Variants in CHIC2 observed in about 807,000 individuals in gnomAD.
The protein encoded by CHIC2 is cysteine rich hydrophobic domain 2.
Under a neutral mutation model 25.9 loss-of-function variants are expected in CHIC2, and 14 were observed. The ratio of observed to expected loss-of-function variants is 0.54; its 90% confidence interval spans 0.36 to 0.85. The LOEUF (loss-of-function observed/expected upper bound fraction) is 0.85, where lower values mean the gene tolerates loss of function less well. Among genes scored for constraint, CHIC2 ranks in the 40% least tolerant of loss-of-function variants. The pLI, the probability that CHIC2 is intolerant of heterozygous loss-of-function variation, is 0.01. For missense variants in CHIC2, 146 were observed against 202.0 expected (o/e 0.72, Z 1.68); for synonymous variants, 70 against 72.0 (o/e 0.97, Z 0.14).
intron 3 of CHIC2, among the ~76,000 whole-genome samples, chr4:54,043,141 G>T (rs1181465559): frequency 2.6e-5 from 4 of 152,128 alleles, no homozygotes; most frequent in African/African-American, 9.7e-5. Flanking sequence ...CCCTGTCTCG[G>T]CCAGGCGCGG....
intron 5 of CHIC2, among the ~76,000 whole-genome samples, chr4:54,013,139 G>C (rs1715640961): frequency 6.6e-6 from 1 of 151,990 alleles, no homozygotes; most frequent in Admixed American, 6.6e-5. Context: ...AAGCTCAAAA[G>C]AGAATTAAAA....
chr4:54,077,879 C>G, the CHIC2 span, among the ~76,000 whole-genome samples: 1 of 152,224 alleles, frequency 6.6e-6, no homozygotes, highest in Admixed American at 6.5e-5. Context: ...GAGCAGCTAT[C>G]ATTCACAATT....
chr4:54,013,932 C>T, intron 4 of CHIC2, 36 bp from the exon 5 acceptor site: 1 of 1,608,162 alleles, frequency 6.2e-7, no homozygotes, highest in Non-Finnish European at 8.5e-7. Flanking sequence ...GAAAAATGAG[C>T]TCTATTTTAT....
At chr4:54,014,956 A>G (rs1362621277) in intron 3 of CHIC2, among the ~76,000 whole-genome samples, 1 of 152,150 alleles carries the variant, frequency 6.6e-6, no homozygotes, top group Admixed American at 6.6e-5. Flanking sequence ...AAAGAAAAAA[A>G]CATCTTACCA....
chr4:54,046,912 C>G (rs1577980638), intron 3 of CHIC2, among the ~76,000 whole-genome samples: 1 of 152,116 alleles, frequency 6.6e-6, no homozygotes, highest in African/African-American at 2.4e-5. Flanking sequence ...TGACAAAGGG[C>G]TAATATCCAG....
chr4:54,030,754 G>A (rs1577970319), intron 3 of CHIC2, among the ~76,000 whole-genome samples: 1 of 146,140 alleles, frequency 6.8e-6, no homozygotes, highest in South Asian at 2.1e-4. Context: ...TGTAACCTCT[G>A]CCTACCAGGT....
chr4:54,044,929 AG>A (rs1161836922), intron 3 of CHIC2, among the ~76,000 whole-genome samples: 233 of 152,304 alleles, frequency 1.5e-3, no homozygotes, highest in African/African-American at 5.4e-3. Flanking sequence ...AAAAGAGAGA[AG>A]AATCAAATAG....
the CHIC2 span, among the ~76,000 whole-genome samples, chr4:54,079,449 G>A: frequency 1.3e-5 from 2 of 151,896 alleles, no homozygotes; most frequent in East Asian, 3.9e-4. Context: ...CTTCTGCACA[G>A]CAAAGAAAAC....
the CHIC2 span, chr4:54,087,647 C>A: frequency 3.5e-6 from 2 of 574,134 alleles, no homozygotes; most frequent in African/African-American, 1.9e-5. Context: ...GCCTATATAT[C>A]CCTTGATGAG....
Position 54,049,079 on chromosome 4 carries a change from T to C in CHIC2, c.206A>G (p.Asn69Ser), listed in dbSNP as rs374480856. 26 of 1,608,694 alleles carry C rather than the reference T, an allele frequency of 1.6e-5. No homozygotes were observed. Among genetic ancestry groups the C allele is most frequent in the Non-Finnish European group, 1.7e-5 (20 of 1,178,400 alleles). The part of the protein sequence containing the change: ...VAPEEFKASI[N>S]RVNSCLKKNL... ...CTTCTTAAGACAACTGTTAACTCTG[T>C]TGATGCTGGCTTTAAATTCTTCAGG... The change falls in exon 3 of 6, where the codon AAC becomes AGC. Residue 69 changes from asparagine to serine, a missense_variant. Physicochemically the swap from Asn to Ser is conservative, Grantham distance 46. Transcript: ENST00000263921.
chr4:54,071,794 G>A, the CHIC2 span, among the ~76,000 whole-genome samples: 3 of 151,852 alleles, frequency 2.0e-5, no homozygotes, highest in Non-Finnish European at 4.4e-5. Flanking sequence ...CCAGCATGGT[G>A]AAACCCTGTC....
intron 5 of CHIC2, 43 bp downstream of exon 5, chr4:54,013,794 G>A: frequency 1.3e-6 from 2 of 1,570,144 alleles, no homozygotes; most frequent in Non-Finnish European, 1.7e-6. Context: ...CAAAATAAAT[G>A]ATCATTTAAT....
At chr4:54,012,843 G>A (rs1715634804) in intron 5 of CHIC2, among the ~76,000 whole-genome samples, 1 of 152,030 alleles carries the variant, frequency 6.6e-6, no homozygotes, top group Non-Finnish European at 1.5e-5. Context: ...TATGTTCAAG[G>A]CTAGAAATAG....
At position 54,044,807 on chromosome 4, in the gene CHIC2, C is replaced by A. The variant is rs576182507; in HGVS notation, c.330+4148G>T. On this transcript the variant is annotated intron_variant, in intron 3 of 5. Coordinates refer to ENST00000263921, the MANE Select transcript of CHIC2 (RefSeq NM_012110.4). ...AGAAATAACTAAGATCAGAGCAGAACTGAAGGAAATAGAGACACAAAAAAC... is the reference window on the plus strand; with the variant it reads ...AGAAATAACTAAGATCAGAGCAGAAATGAAGGAAATAGAGACACAAAAAAC... Among the ~76,000 whole-genome samples the A allele has an allele frequency of 4.6e-5, 7 of 152,098 alleles. No individual in the cohort carries two copies. In the South Asian group the frequency reaches 1.2e-3, roughly 27 times the overall value.
At chr4:54,070,887 T>C in the CHIC2 span, among the ~76,000 whole-genome samples, 1 of 152,192 alleles carries the variant, frequency 6.6e-6, no homozygotes, top group African/African-American at 2.4e-5. Context: ...GTGATTAGGT[T>C]AAGCTGACCA....
chr4:54,023,740 C>A (rs1182018594), intron 3 of CHIC2, among the ~76,000 whole-genome samples: 1 of 152,218 alleles, frequency 6.6e-6, no homozygotes, highest in South Asian at 2.1e-4. Flanking sequence ...TACCTCTCAG[C>A]AAGGCGAACT....
chr4:54,064,747 G>GCACGT, upstream of CHIC2: 1 of 694,418 alleles, frequency 1.4e-6, no homozygotes, highest in African/African-American at 1.9e-5. The surrounding 1 kb of genome is among the most constrained non-coding windows in gnomAD (Gnocchi z 4.2). Flanking sequence ...GCGCACGTGC[G>GCACGT]GCCTCGCGCG....
At chr4:54,041,607 C>T (rs768173701) in intron 3 of CHIC2, among the ~76,000 whole-genome samples, 2 of 152,008 alleles carry the variant, frequency 1.3e-5, no homozygotes, top group Non-Finnish European at 2.9e-5. Flanking sequence ...ATTTTGTATG[C>T]ATTAATAAAC....
intron 3 of CHIC2, among the ~76,000 whole-genome samples, chr4:54,022,961 T>C (rs974122600): frequency 7.9e-5 from 12 of 152,286 alleles, no homozygotes; most frequent in East Asian, 3.9e-4. Flanking sequence ...AGCAACCAAA[T>C]TGTCTTGCCT....
Sources: allele counts gnomAD v4.1 joint callset (sites outside exome capture counted in the v4.1 genomes callset), GRCh38; gene constraint gnomAD v4.1.1; non-coding constraint Gnocchi (gnomAD v3.1); transcripts MANE v1.5; gene names NCBI Gene and HGNC (gene_info 2026-07-23, HGNC 2026-07-21).